TK1: variants seen among roughly 807,000 people sequenced by gnomAD.
TK1 encodes thymidine kinase 1.
TK1 carries 13 observed loss-of-function variants against 22.4 expected under a neutral mutation model. The ratio of observed to expected loss-of-function variants is 0.58; its 90% CI spans 0.38 to 0.92. The LOEUF (loss-of-function observed/expected upper bound fraction) is 0.92. Among genes scored for constraint, TK1 ranks in the 40% least tolerant of loss-of-function variants. The pLI is 0.00. For missense variants in TK1, 251 were observed against 315.7 expected, an observed-to-expected ratio of 0.80 and a Z score of 1.55; for synonymous variants, 134 against 125.4, an observed-to-expected ratio of 1.07 and a Z score of -0.46.
chr17:78,174,980 G>C, intron 6 of TK1, 30 bp from the exon 7 acceptor site: 1 of 1,610,728 alleles, frequency 6.2e-7, no homozygotes, highest in South Asian at 1.1e-5. Context: ...ATGGGTGAAG[G>C]GCCAGGACAG....
chr17:78,187,196 G>C (rs2075816596), upstream of TK1: 4 of 871,354 alleles, frequency 4.6e-6, no homozygotes, highest in Non-Finnish European at 7.3e-6. Flanking sequence ...AGGAATCCGG[G>C]ACGTGCGCCC....
chr17:78,175,260 G>A (rs2075690321), intron 5 of TK1, 91 bp from the exon 6 acceptor site: 1 of 1,407,434 alleles, frequency 7.1e-7, no homozygotes, highest in African/African-American at 1.8e-5. Flanking sequence ...ACTGAAGCCA[G>A]GAGAGTTTGC....
intron 5 of TK1, 146 bp downstream of exon 5, chr17:78,175,383 T>G: frequency 9.7e-7 from 1 of 1,026,094 alleles, no homozygotes; most frequent in Non-Finnish European, 1.4e-6. Context: ...GACCATGGAG[T>G]CCCTTGGCTC....
Position 78,175,092 on chromosome 17 carries a change from G to T in TK1, c.471C>A (p.Phe157Leu). Residue 157 changes from phenylalanine to leucine, a missense_variant, in exon 6 of 7, where the codon TTC (phenylalanine) becomes TTA (leucine). Transcript: ENST00000301634. ...GCCTCTTGGTATAGGCGGCTTCCCG[G>T]AAGCACTCCATGCACACCGCCGTCA... ...VKLTAVCMEC[F>L]REAAYTKRLG... 6.2e-7 allele frequency: 1 copy of T among 1,613,502 alleles called. No homozygotes were observed. Among genetic ancestry groups the T allele is most frequent in the Non-Finnish European group, 8.5e-7 (1 of 1,179,880 alleles).
At chr17:78,178,018 G>A (rs2075713415) in intron 4 of TK1, among the ~76,000 whole-genome samples, 1 of 151,914 alleles carries the variant, frequency 6.6e-6, no homozygotes, top group Non-Finnish European at 1.5e-5. Context: ...TTACAGGTGT[G>A]TGCCACCACG....
intron 4 of TK1, among the ~76,000 whole-genome samples, chr17:78,181,141 G>A (rs1047454454): frequency 4.6e-5 from 7 of 152,098 alleles, no homozygotes; most frequent in East Asian, 1.9e-4. Flanking sequence ...CCAGCTACCC[G>A]GAAGGATGAG....
chr17:78,180,512 C>T (rs993263977), intron 4 of TK1, among the ~76,000 whole-genome samples: 1 of 152,106 alleles, frequency 6.6e-6, no homozygotes, highest in Admixed American at 6.6e-5. Context: ...CAGAAAATAA[C>T]CCAGAAACTC....
chr17:78,181,032 T>C (rs574617598), intron 4 of TK1, among the ~76,000 whole-genome samples: 50 of 152,190 alleles, frequency 3.3e-4, no homozygotes, highest in Non-Finnish European at 6.2e-4. Context: ...GCGGATCACC[T>C]GAGGTCAGGA....
At chr17:78,176,089 G>T (rs541997435) in intron 4 of TK1, among the ~76,000 whole-genome samples, 1 of 152,338 alleles carries the variant, frequency 6.6e-6, no homozygotes, top group East Asian at 1.9e-4. Flanking sequence ...GCTCTTCGGT[G>T]AATAGGTGGG....
rs1360889920 is a variant in TK1 at position 78,182,663 on chromosome 17, G to A, written c.229C>T (p.Pro77Ser). The A allele has an allele frequency of 1.3e-6, 2 of 1,590,392 alleles. No homozygotes were observed. The highest frequency in any genetic ancestry group is 1.7e-6 in the Non-Finnish European group (2 of 1,170,970). Residue 77 changes from proline to serine, a missense_variant, in exon 4 of 7, where the codon CCC (proline) becomes TCC (serine). By Grantham distance (74) the Pro-to-Ser change is moderately conservative. Coordinates refer to ENST00000301634, the MANE Select transcript of TK1 (RefSeq NM_003258.5). ...THDRNTMEALPACLLRDVAQE... is the reference protein window; with the variant it reads ...THDRNTMEALSACLLRDVAQE... ...GCCACGTCTCGGAGCAGGCAGGCGG[G>A]CAGTGCCTCCATGGTGTTCCTGGGA...
At chr17:78,178,218 C>T (rs771156843) in intron 4 of TK1, among the ~76,000 whole-genome samples, 3 of 152,138 alleles carry the variant, frequency 2.0e-5, no homozygotes, top group East Asian at 1.9e-4. Context: ...TATTGCCAAG[C>T]GACCCTGCAA....
chr17:78,176,962 G>A (rs1046058303), intron 4 of TK1, among the ~76,000 whole-genome samples: 10 of 152,164 alleles, frequency 6.6e-5, no homozygotes, highest in African/African-American at 1.4e-4. Flanking sequence ...TCCTTCACCC[G>A]CCACATGAGG....
At position 78,187,034 on chromosome 17, in the gene TK1, G is replaced by C. The variant is rs750648400; in HGVS notation, c.-40C>G. 6.3e-7 allele frequency: 1 copy of C among 1,583,616 alleles called. No homozygotes were observed. The highest frequency in any genetic ancestry group is 1.1e-5 in the South Asian group (1 of 87,398). ...GTTCACGAACCCGAGTACTCTCCAA[G>C]GCCGTCCCGCAGTAAGCCCCTGGTT... On this transcript the variant is annotated 5_prime_UTR_variant, in exon 1 of 7. Coordinates refer to ENST00000301634, the MANE Select transcript of TK1 (RefSeq NM_003258.5).
At chr17:78,180,648 C>T (rs1041790054) in intron 4 of TK1, among the ~76,000 whole-genome samples, 23 of 152,128 alleles carry the variant, frequency 1.5e-4, no homozygotes, top group Admixed American at 3.9e-4. Context: ...TCAAACAAAA[C>T]GGAGCATGAT....
chr17:78,182,495 C>A, intron 4 of TK1, 94 bp downstream of exon 4: 2 of 978,058 alleles, frequency 2.0e-6, no homozygotes, highest in Non-Finnish European at 2.9e-6. Context: ...TGTTATTTTA[C>A]TAAAAGATCA....
In TK1 at chr17:78,186,814, A is replaced by G; in HGVS notation, c.71T>C (p.Ile24Thr). The G allele has an allele frequency of 6.3e-7, 1 of 1,583,910 alleles. No homozygotes were observed. The highest frequency in any genetic ancestry group is 8.6e-7 in the Non-Finnish European group (1 of 1,165,408). Residue 24 changes from isoleucine to threonine, a missense_variant, in exon 2 of 7, where the codon ATT becomes ACT. By Grantham distance (89) the Ile-to-Thr change is moderately conservative. Transcript: ENST00000301634. ...PSKTRGQIQV[I>T]LGPMFSGKST... ...TTTTCCTGAGAACATCGGCCCGAGA[A>G]TCACCTAGGAGAGAAGGTGAGGTCA...
intron 4 of TK1, among the ~76,000 whole-genome samples, chr17:78,180,837 C>T (rs2075732879): frequency 6.6e-6 from 1 of 152,190 alleles, no homozygotes; most frequent in Non-Finnish European, 1.5e-5. Flanking sequence ...AACAAAGCTT[C>T]CCCTACACAC....
At position 78,187,049 on chromosome 17, in the gene TK1, A is replaced by G. The variant is rs1258255160; in HGVS notation, c.-55T>C. On this transcript the variant is annotated 5_prime_UTR_variant, in exon 1 of 7. Transcript: ENST00000301634. ...TACTCTCCAAGGCCGTCCCGCAGTA[A>G]GCCCCTGGTTCCCGCGCCGACCGCT... The G allele has an allele frequency of 6.4e-7, 1 of 1,558,518 alleles. No homozygotes were observed. Among genetic ancestry groups the G allele is most frequent in the South Asian group, 1.2e-5 (1 of 86,812 alleles).
At chr17:78,181,897 GGTGT>G (rs2075740480) in intron 4 of TK1, among the ~76,000 whole-genome samples, 4 of 151,606 alleles carry the variant, frequency 2.6e-5, no homozygotes, top group Admixed American at 6.6e-5. Context: ...AGGGACCACA[GGTGT>G]GCGCTGCTAT....
Sources: allele counts gnomAD v4.1 joint callset (sites outside exome capture counted in the v4.1 genomes callset), GRCh38; gene constraint gnomAD v4.1.1; transcripts MANE v1.5; gene names NCBI Gene and HGNC (gene_info 2026-07-23, HGNC 2026-07-21).